RYR3: variants seen among roughly 807,000 people sequenced by gnomAD.
The protein encoded by RYR3 is brain ryanodine receptor-calcium release channel.
A neutral mutation model predicts 584.3 loss-of-function variants in RYR3; 207 were observed. That is an observed-to-expected ratio of 0.35 (90% CI 0.32 to 0.40). RYR3 has a LOEUF of 0.40. RYR3 is among the 10% of genes least tolerant of loss of function. The probability of loss-of-function intolerance (pLI) is 1.00; values close to 1 mark genes in which losing one functional copy is unlikely to be tolerated. For synonymous variants in RYR3, 2,416 were observed against 2,248.5 expected, an observed-to-expected ratio of 1.07 and a Z score of -2.11; for missense variants, 5,616 against 6,089.2, an observed-to-expected ratio of 0.92 and a Z score of 2.59.
intron 20 of RYR3, 140 bp downstream of exon 20, chr15:33,624,163 A>G: frequency 4.5e-6 from 3 of 666,740 alleles, no homozygotes; most frequent in Non-Finnish European, 7.8e-6. Context: ...GTTACTCCTC[A>G]CATTTTCACC....
rs1567295885 is a variant in RYR3, at chr15:33,464,497, T to TACAC, written c.52-8921_52-8920insCACA. On this transcript the variant is annotated intron_variant, in intron 1 of 103. Coordinates refer to ENST00000634891, the MANE Select transcript of RYR3 (RefSeq NM_001036.6). ...ATATATATATATATATATACACATA[T>TACAC]ATATATACATACACATACACATATA... Among the ~76,000 whole-genome samples, 94 of 98,342 alleles carry TACAC rather than the reference T, an allele frequency of 9.6e-4. 1 individual carries two copies. The highest frequency in any genetic ancestry group is 2.6e-3 in the East Asian group (12 of 4,616). 64.5% of individuals were successfully genotyped at this position (98,342 alleles called of 152,430 possible).
At chr15:33,505,020 A>G (rs937172139) in intron 3 of RYR3, among the ~76,000 whole-genome samples, 1 of 152,202 alleles carries the variant, frequency 6.6e-6, no homozygotes, top group Non-Finnish European at 1.5e-5. Flanking sequence ...TGTCATTGCA[A>G]GTCTTTTTTC....
At chr15:33,840,572 A>G (rs927596217) in intron 89 of RYR3, 5 of 542,488 alleles carry the variant, frequency 9.2e-6, no homozygotes, top group African/African-American at 1.9e-5. Context: ...ATGTCCTAAC[A>G]CAAGTTTCCT....
At chr15:33,780,023 C>T (rs1161625598) in intron 64 of RYR3, among the ~76,000 whole-genome samples, 188 bp from the exon 65 acceptor site, 5 of 152,018 alleles carry the variant, frequency 3.3e-5, no homozygotes, top group Non-Finnish European at 7.4e-5. Flanking sequence ...AAAAAAAGAA[C>T]TAGGATCTAA....
intron 8 of RYR3, among the ~76,000 whole-genome samples, chr15:33,546,883 C>T (rs1361329915): frequency 1.3e-5 from 2 of 152,200 alleles, no homozygotes; most frequent in African/African-American, 4.8e-5. Context: ...CAGGATTCCT[C>T]TTGGGTTTGA....
At chr15:33,675,677 T>G (rs1178127060) in intron 38 of RYR3, among the ~76,000 whole-genome samples, 1 of 152,228 alleles carries the variant, frequency 6.6e-6, no homozygotes, top group Non-Finnish European at 1.5e-5. Context: ...TGGGTTGATA[T>G]AAGCATTACA....
At chr15:33,381,387 C>T (rs1436258683) in intron 1 of RYR3, among the ~76,000 whole-genome samples, 1 of 151,734 alleles carries the variant, frequency 6.6e-6, no homozygotes, top group African/African-American at 2.4e-5. Flanking sequence ...ACTGCTGTGT[C>T]ACCAGTGCCC....
At chr15:33,329,847 T>C (rs1327146262) in intron 1 of RYR3, among the ~76,000 whole-genome samples, 1 of 152,152 alleles carries the variant, frequency 6.6e-6, no homozygotes, top group African/African-American at 2.4e-5. Context: ...GGGAGATGGT[T>C]ACTGTTGTAT....
intron 67 of RYR3, among the ~76,000 whole-genome samples, chr15:33,794,883 C>G (rs1222705697): frequency 6.6e-6 from 1 of 152,140 alleles, no homozygotes; most frequent in African/African-American, 2.4e-5. Flanking sequence ...GGAGAAATAC[C>G]CGTTCCTTTT....
intron 2 of RYR3, among the ~76,000 whole-genome samples, chr15:33,501,618 G>A (rs776175663): frequency 6.6e-6 from 1 of 152,104 alleles, no homozygotes; most frequent in African/African-American, 2.4e-5. Context: ...CCTGTTCTGG[G>A]AACATGAAAT....
intron 2 of RYR3, among the ~76,000 whole-genome samples, chr15:33,480,439 A>G (rs749479305): frequency 1.3e-5 from 2 of 152,248 alleles, no homozygotes; most frequent in Non-Finnish European, 2.9e-5. Context: ...ATTTAGTATC[A>G]GCACAGGGTC....
In RYR3 at chr15:33,628,573, A is replaced by G. The variant is rs1332431637; in HGVS notation, c.2677A>G (p.Lys893Glu). ...AATAGAACTTGGCTGGACTTTCGGC[A>G]AGGTATGTGTCTCAGGGCCAGGTTA... ...NKIELGWTFG[K>E]IRDDNKRQHP... The change falls in exon 21 of 104, where the codon AAG becomes GAG. Residue 893 changes from lysine (K) to glutamate (E), a missense_variant and splice_region_variant. Coordinates refer to ENST00000634891, the MANE Select transcript of RYR3 (RefSeq NM_001036.6). The G allele has an allele frequency of 2.1e-5, 34 of 1,604,198 alleles. No individual in the cohort carries two copies. The highest frequency in any genetic ancestry group is 2.8e-5 in the Non-Finnish European group (33 of 1,171,120).
chr15:33,621,286 A>G (rs7168848), intron 19 of RYR3, among the ~76,000 whole-genome samples: 26,486 of 152,168 alleles, frequency 0.17, 2,775 homozygotes, highest in Admixed American at 0.25. Context: ...CTTACTTGCT[A>G]TACAAGCTAC....
intron 2 of RYR3, among the ~76,000 whole-genome samples, chr15:33,484,582 T>C (rs1358409277): frequency 2.6e-5 from 4 of 152,060 alleles, no homozygotes; most frequent in African/African-American, 9.7e-5. Context: ...AGATTCCTCA[T>C]GTGAATAGGA....
At chr15:33,827,175 C>G in intron 84 of RYR3, 24 bp from the exon 85 acceptor site, 1 of 1,547,146 alleles carries the variant, frequency 6.5e-7, no homozygotes, top group Non-Finnish European at 8.8e-7. Flanking sequence ...GGGACAAGCT[C>G]TGACCCAGCA....
In RYR3 at chr15:33,663,669, G is replaced by T. The variant is rs1276672359; in HGVS notation, c.5551G>T (p.Ala1851Ser). The change falls in exon 36 of 104, where the codon GCC becomes TCC. Residue 1851 changes from alanine to serine, a missense_variant. By Grantham distance (99) the Ala-to-Ser change is moderately conservative. This residue lies in a region of RYR3 where 1,280 missense variants were observed against 1,426.2 expected (regional missense o/e 0.90). Coordinates refer to ENST00000634891, the MANE Select transcript of RYR3 (RefSeq NM_001036.6). ...QKFRYNELMQ[A>S]LNMSAALTAR... ...GTTCCGCTACAATGAGCTCATGCAG[G>T]CCCTGAACATGTCTGCGGCCCTGAC... The T allele has an allele frequency of 1.9e-6, 3 of 1,612,736 alleles. No individual in the cohort carries two copies. Among genetic ancestry groups the T allele is most frequent in the Non-Finnish European group, 2.5e-6 (3 of 1,179,602 alleles).
At chr15:33,805,691 A>G (rs1478518837) in intron 69 of RYR3, among the ~76,000 whole-genome samples, 2 of 151,552 alleles carry the variant, frequency 1.3e-5, no homozygotes, top group African/African-American at 2.4e-5. Context: ...GTTAGCCAGG[A>G]TGGTCTCGAT....
intron 16 of RYR3, among the ~76,000 whole-genome samples, chr15:33,598,633 CAA>C (rs367814938): frequency 7.7e-6 from 1 of 130,504 alleles, no homozygotes. Flanking sequence ...AGAAGCAGGA[CAA>C]AAAAAAAAAA....
At chr15:33,544,793 A>T (rs1208875426) in intron 8 of RYR3, among the ~76,000 whole-genome samples, 1 of 152,190 alleles carries the variant, frequency 6.6e-6, no homozygotes, top group Non-Finnish European at 1.5e-5. Context: ...TGCCTAGGAC[A>T]CATAAAGCAC....
Sources: allele counts gnomAD v4.1 joint callset (sites outside exome capture counted in the v4.1 genomes callset), GRCh38; gene constraint gnomAD v4.1.1; regional missense constraint gnomAD v4.1.1; transcripts MANE v1.5; gene names NCBI Gene and HGNC (gene_info 2026-07-23, HGNC 2026-07-21).